The following CNTN5 variants were observed in gnomAD, a reference collection of about 807,000 sequenced individuals.
CNTN5 encodes contactin-5.
In CNTN5, 77 loss-of-function variants were observed where a neutral mutation model predicts 129.1. The observed-to-expected ratio is 0.60, with a 90% CI of 0.50 to 0.72. The LOEUF (loss-of-function observed/expected upper bound fraction) is 0.72. Among genes scored for constraint, CNTN5 ranks in the 30% least tolerant of loss-of-function variants. The pLI is 0.00. For missense variants in CNTN5, 1,478 were observed against 1,328.8 expected (o/e 1.11, Z -1.75); for synonymous variants, 509 against 465.6 (o/e 1.09, Z -1.20).
chr11:99,903,521 A>T (rs920010149), intron 6 of CNTN5, among the ~76,000 whole-genome samples: 1 of 152,104 alleles, frequency 6.6e-6, no homozygotes, highest in Non-Finnish European at 1.5e-5. Context: ...TCACCAGTTA[A>T]TTATGTTTTT....
intron 3 of CNTN5, among the ~76,000 whole-genome samples, chr11:99,772,705 A>T (rs538404776): frequency 6.6e-6 from 1 of 152,086 alleles, no homozygotes; most frequent in African/African-American, 2.4e-5. Flanking sequence ...TAAATAATAG[A>T]TTACCTCTGA....
At chr11:99,592,434 A>ACATGAGGAAGACGTCAG (rs1270975196) in intron 3 of CNTN5, among the ~76,000 whole-genome samples, 3 of 152,326 alleles carry the variant, frequency 2.0e-5, no homozygotes, top group African/African-American at 7.2e-5. Flanking sequence ...AATGATCTAA[A>ACATGAGGAAGACGTCAG]CATGAGGAAG....
intron 2 of CNTN5, among the ~76,000 whole-genome samples, chr11:99,352,081 A>G (rs978620487): frequency 6.6e-6 from 1 of 152,256 alleles, no homozygotes; most frequent in African/African-American, 2.4e-5. Flanking sequence ...GTAAATGCCC[A>G]GCATTGAATG....
At chr11:99,390,192 A>C (rs1941186104) in intron 2 of CNTN5, among the ~76,000 whole-genome samples, 1 of 151,580 alleles carries the variant, frequency 6.6e-6, no homozygotes, top group Non-Finnish European at 1.5e-5. Flanking sequence ...ATCATAGCTT[A>C]CTGTAACCTT....
rs907333238 is a variant in CNTN5 at position 99,744,940 on chromosome 11, G to A, written c.56-74604G>A. On this transcript the variant is annotated intron_variant, in intron 3 of 24. Coordinates refer to ENST00000524871, the MANE Select transcript of CNTN5 (RefSeq NM_014361.4). ...CTGTAAGGCAGGCGTTATTTTTAGC[G>A]TTCTATTCCTTCATTTCCCCTACTA... 1.4e-3 allele frequency among the ~76,000 whole-genome samples: 206 copies of A among 152,032 alleles called. 3 individuals are homozygous for A. The highest frequency in any genetic ancestry group is 3.7e-4 in the Non-Finnish European group (25 of 68,012).
intron 1 of CNTN5, among the ~76,000 whole-genome samples, chr11:99,316,920 A>T (rs1865367383): frequency 1.3e-5 from 2 of 152,128 alleles, no homozygotes; most frequent in Non-Finnish European, 2.9e-5. Context: ...TACTCGACTG[A>T]CAGTACCTTC....
chr11:99,274,561 TTAAC>T (rs1257937773), intron 1 of CNTN5, among the ~76,000 whole-genome samples: 4 of 151,722 alleles, frequency 2.6e-5, no homozygotes, highest in African/African-American at 9.6e-5. Flanking sequence ...GGAAATATAA[TTAAC>T]TGTGATTTAC....
chr11:100,138,591 T>C (rs1946599110), intron 13 of CNTN5, among the ~76,000 whole-genome samples: 1 of 152,048 alleles, frequency 6.6e-6, no homozygotes, highest in South Asian at 2.1e-4. Context: ...CAGATTACTA[T>C]GGCTGATGAT....
chr11:99,406,379 C>G (rs1178740261), intron 2 of CNTN5, among the ~76,000 whole-genome samples: 1 of 139,156 alleles, frequency 7.2e-6, no homozygotes, highest in Non-Finnish European at 1.5e-5. Context: ...GTTCTTTTCC[C>G]ATACTTTGTC....
chr11:99,714,654 A>G (rs1003084496), intron 3 of CNTN5, among the ~76,000 whole-genome samples: 4 of 151,982 alleles, frequency 2.6e-5, no homozygotes, highest in African/African-American at 9.7e-5. Context: ...GAAGGTTCAC[A>G]GTTACAGCGA....
At chr11:99,841,849 CACATAT>C (rs1351417163) in intron 4 of CNTN5, among the ~76,000 whole-genome samples, 4 of 142,560 alleles carry the variant, frequency 2.8e-5, no homozygotes, top group African/African-American at 1.0e-4. Flanking sequence ...CACACACACA[CACATAT>C]ATATACACAC....
chr11:99,932,560 C>T (rs1238609781), intron 7 of CNTN5, among the ~76,000 whole-genome samples: 2 of 152,014 alleles, frequency 1.3e-5, no homozygotes, highest in Non-Finnish European at 2.9e-5. Flanking sequence ...ATTTCTTGGG[C>T]TCTAGGGTCA....
Position 99,431,289 on chromosome 11 carries a change from G to T in CNTN5, c.-71+105805G>T, listed in dbSNP as rs80049901. On this transcript the variant is annotated intron_variant, in intron 2 of 24. Coordinates refer to ENST00000524871, the MANE Select transcript of CNTN5 (RefSeq NM_014361.4). ...ACTCCAAATTCATGTACTTAATATA[G>T]AAACGGGGCCCAGACTGAAGACTGC... is the stretch of plus-strand genomic sequence containing the variant. 7.1e-3 allele frequency among the ~76,000 whole-genome samples: 1,074 copies of T among 152,098 alleles called. 21 individuals carry two copies. The highest frequency in any genetic ancestry group is 0.024 in the African/African-American group (1,002 of 41,500).
At chr11:99,063,679 G>C (rs1481514808) in intron 1 of CNTN5, among the ~76,000 whole-genome samples, 1 of 151,980 alleles carries the variant, frequency 6.6e-6, no homozygotes, top group Non-Finnish European at 1.5e-5. Context: ...TGACACTTTA[G>C]CCTCTTTGAG....
At chr11:99,357,332 T>C (rs73541099) in intron 2 of CNTN5, among the ~76,000 whole-genome samples, 4,941 of 152,224 alleles carry the variant, frequency 0.032, 287 homozygotes, top group African/African-American at 0.11. Flanking sequence ...TATTAGCAAC[T>C]GAAATAGCAA....
intron 9 of CNTN5, among the ~76,000 whole-genome samples, chr11:100,021,951 C>T (rs540196600): frequency 1.3e-5 from 2 of 152,142 alleles, no homozygotes; most frequent in African/African-American, 4.8e-5. Context: ...GGTTGGAGGA[C>T]TCAGCAAGAC....
At chr11:99,090,174 A>C (rs1031705460) in intron 1 of CNTN5, among the ~76,000 whole-genome samples, 2 of 152,218 alleles carry the variant, frequency 1.3e-5, no homozygotes, top group Admixed American at 6.5e-5. Flanking sequence ...ACTAATTCTG[A>C]ATATTATGTA....
At position 99,750,359 on chromosome 11, in the gene CNTN5, C is replaced by T. The variant is rs562430741; in HGVS notation, c.56-69185C>T. On this transcript the variant is annotated intron_variant, in intron 3 of 24. Transcript: ENST00000524871. The stretch of plus-strand genomic sequence containing the variant: ...GAATTTCAGTGATTATAGTCTTATA[C>T]CTCAACTACTAATTCATTTTACTTG... Among the ~76,000 whole-genome samples the T allele has an allele frequency of 3.9e-5, 6 of 152,162 alleles. No homozygotes were observed. In the East Asian group the frequency reaches 1.2e-3, roughly 29 times the overall value.
intron 3 of CNTN5, among the ~76,000 whole-genome samples, chr11:99,632,863 A>C (rs562941080): frequency 6.6e-6 from 1 of 152,204 alleles, no homozygotes; most frequent in Admixed American, 6.5e-5. Context: ...GAAACCATCC[A>C]AATGTCCTTA....
Sources: allele counts gnomAD v4.1 joint callset (sites outside exome capture counted in the v4.1 genomes callset), GRCh38; gene constraint gnomAD v4.1.1; transcripts MANE v1.5; gene names NCBI Gene and HGNC (gene_info 2026-07-23, HGNC 2026-07-21).